Variants in WDPCP observed in about 807,000 individuals in gnomAD.
WDPCP encodes WD repeat containing planar cell polarity effector.
In WDPCP, 71 loss-of-function variants were observed where a neutral mutation model predicts 93.1. That is an observed-to-expected ratio of 0.76 (90% CI 0.63 to 0.93). WDPCP has a LOEUF of 0.93. Ranked by LOEUF, WDPCP falls within the 40% of genes least tolerant of loss-of-function variation. The pLI, the probability that WDPCP is intolerant of heterozygous loss-of-function variation, is 0.00. For synonymous variants in WDPCP, 315 were observed against 315.0 expected (o/e 1.00, Z 0.00); for missense variants, 844 against 887.4 (o/e 0.95, Z 0.62).
At chr2:63,699,226 T>C (rs960536858) in intron 2 of WDPCP, among the ~76,000 whole-genome samples, 2 of 152,190 alleles carry the variant, frequency 1.3e-5, no homozygotes, top group African/African-American at 4.8e-5. Flanking sequence ...GGCTCACTGA[T>C]AATGTACTAC....
chr2:63,455,620 C>A (rs1211306423), intron 6 of WDPCP, among the ~76,000 whole-genome samples: 1 of 151,890 alleles, frequency 6.6e-6, no homozygotes, highest in Non-Finnish European at 1.5e-5. Context: ...ATCAATCGAG[C>A]AAGAGGATAT....
At chr2:63,142,925 C>T (rs147156118) in intron 17 of WDPCP, among the ~76,000 whole-genome samples, 24,093 of 143,184 alleles carry the variant, frequency 0.17, 2,514 homozygotes, top group Admixed American at 0.23. Context: ...CATACATATA[C>T]ACACACACAC....
At chr2:63,559,228 C>T (rs1344951706) in intron 1 of WDPCP, among the ~76,000 whole-genome samples, 1 of 152,080 alleles carries the variant, frequency 6.6e-6, no homozygotes, top group Non-Finnish European at 1.5e-5. Context: ...ATTCAACATC[C>T]CTTCATGTTA....
At chr2:63,747,980 A>G (rs1166897054) in intron 2 of WDPCP, among the ~76,000 whole-genome samples, 1 of 152,034 alleles carries the variant, frequency 6.6e-6, no homozygotes, top group African/African-American at 2.4e-5. Context: ...TGTGGATGGA[A>G]TGAATATATA....
At chr2:63,796,606 C>T (rs1011408512) in intron 2 of WDPCP, among the ~76,000 whole-genome samples, 1 of 152,188 alleles carries the variant, frequency 6.6e-6, no homozygotes, top group Admixed American at 6.5e-5. Flanking sequence ...TCAGTGCTGC[C>T]CTGTCATAGT....
intron 2 of WDPCP, among the ~76,000 whole-genome samples, chr2:63,763,887 T>C (rs1206600187): frequency 2.0e-5 from 3 of 152,156 alleles, no homozygotes. Flanking sequence ...GGGTCACAGA[T>C]GGCCAGATCT....
intron 2 of WDPCP, among the ~76,000 whole-genome samples, chr2:63,654,580 G>C (rs779748365): frequency 3.9e-5 from 6 of 152,166 alleles, no homozygotes; most frequent in Non-Finnish European, 8.8e-5. Context: ...TCCACAATAA[G>C]GAACATGTTC....
intron 1 of WDPCP, among the ~76,000 whole-genome samples, chr2:63,584,174 A>C (rs1708687208): frequency 6.6e-6 from 1 of 152,058 alleles, no homozygotes; most frequent in African/African-American, 2.4e-5. Context: ...TAAATGAATG[A>C]ATAAATACCC....
At chr2:63,179,473 G>A (rs1674074879) in intron 14 of WDPCP, among the ~76,000 whole-genome samples, 1 of 151,776 alleles carries the variant, frequency 6.6e-6, no homozygotes, top group East Asian at 1.9e-4. Context: ...AAAAGTGTGT[G>A]GCACCTCCCC....
chr2:63,638,869 C>T (rs1709950352), intron 3 of WDPCP, among the ~76,000 whole-genome samples: 2 of 150,718 alleles, frequency 1.3e-5, no homozygotes, highest in South Asian at 4.2e-4. Context: ...GTTGACACAC[C>T]TCTAGGGTGG....
intron 6 of WDPCP, among the ~76,000 whole-genome samples, chr2:63,456,899 C>G (rs183459731): frequency 7.9e-5 from 12 of 152,206 alleles, no homozygotes; most frequent in African/African-American, 2.6e-4. Flanking sequence ...GTAATCCCAG[C>G]TACTAGGGAG....
intron 6 of WDPCP, among the ~76,000 whole-genome samples, chr2:63,458,657 C>CCATA (rs1386665588): frequency 1.3e-5 from 2 of 152,086 alleles, no homozygotes; most frequent in Non-Finnish European, 2.9e-5. Context: ...GTTAAAATGA[C>CCATA]CATACTATCC....
intron 1 of WDPCP, among the ~76,000 whole-genome samples, chr2:63,538,187 A>G (rs1428138962): frequency 1.3e-5 from 2 of 152,196 alleles, no homozygotes; most frequent in Non-Finnish European, 2.9e-5. Flanking sequence ...CTGCCTTTAA[A>G]CAAATAAAAG....
At chr2:63,795,999 C>T (rs955321552) in intron 2 of WDPCP, among the ~76,000 whole-genome samples, 12 of 152,160 alleles carry the variant, frequency 7.9e-5, no homozygotes, top group Admixed American at 7.8e-4. Flanking sequence ...TCTCCCATTC[C>T]CCTTGCAAGT....
At chr2:63,486,014 G>A (rs1700554751) in intron 4 of WDPCP, among the ~76,000 whole-genome samples, 2 of 151,488 alleles carry the variant, frequency 1.3e-5, no homozygotes, top group African/African-American at 4.8e-5. Flanking sequence ...AAAAACAAGA[G>A]AACAAATGGG....
chr2:63,669,912 A>G (rs1253115292), intron 2 of WDPCP, among the ~76,000 whole-genome samples: 5 of 152,284 alleles, frequency 3.3e-5, no homozygotes, highest in Middle Eastern at 3.4e-3. Context: ...GCTACTTACC[A>G]GCTGTGTGAA....
At chr2:63,195,650 A>T (rs1675373695) in intron 14 of WDPCP, among the ~76,000 whole-genome samples, 1 of 152,152 alleles carries the variant, frequency 6.6e-6, no homozygotes, top group Admixed American at 6.5e-5. Context: ...TATATTAAAA[A>T]AAAGTTTTTG....
chr2:63,625,347 G>T (rs776637252), intron 3 of WDPCP, among the ~76,000 whole-genome samples: 76 of 152,178 alleles, frequency 5.0e-4, no homozygotes, highest in Non-Finnish European at 5.9e-4. Flanking sequence ...GCAAGAGAAA[G>T]AAATAAAGGG....
chr2:63,369,569 T>C (rs1691212422), intron 12 of WDPCP: 1 of 454,872 alleles, frequency 2.2e-6, no homozygotes, highest in Non-Finnish European at 4.4e-6. Flanking sequence ...AAAACACATT[T>C]TGTACATCCC....
Sources: gnomAD v4.1 joint callset for allele counts (sites outside exome capture counted in the v4.1 genomes callset) on GRCh38, gnomAD v4.1.1 for gene constraint, MANE v1.5 for transcripts, NCBI Gene and HGNC (gene_info 2026-07-23, HGNC 2026-07-21) for gene names.